GPR107: variants seen among roughly 807,000 people sequenced by gnomAD.
GPR107 encodes the protein G protein-coupled receptor 107.
Under a neutral mutation model 75.5 loss-of-function variants are expected in GPR107, and 31 were observed. That is an observed-to-expected ratio of 0.41 (90% CI 0.31 to 0.55). The LOEUF (loss-of-function observed/expected upper bound fraction) is 0.55, where lower values mean the gene tolerates loss of function less well. Ranked by LOEUF, GPR107 falls within the 20% of genes least tolerant of loss-of-function variation. The probability of loss-of-function intolerance (pLI) is 0.26; values close to 1 mark genes in which losing one functional copy is unlikely to be tolerated. For synonymous variants in GPR107, 267 were observed against 251.3 expected (o/e 1.06, Z -0.59); for missense variants, 572 against 665.7 (o/e 0.86, Z 1.55).
chr9:130,127,127 T>A (rs979395457), intron 15 of GPR107, among the ~76,000 whole-genome samples: 3 of 152,262 alleles, frequency 2.0e-5, no homozygotes, highest in African/African-American at 7.2e-5. Flanking sequence ...CTGGTAAATA[T>A]TCCTCAAAGC....
chr9:130,098,707 C>T (rs1257940093), intron 9 of GPR107, among the ~76,000 whole-genome samples: 5 of 152,072 alleles, frequency 3.3e-5, no homozygotes, highest in African/African-American at 7.2e-5. Flanking sequence ...ACCAGCAAAA[C>T]GTACTTTATA....
chr9:130,088,562 G>T (rs922004627), intron 7 of GPR107, among the ~76,000 whole-genome samples: 24 of 152,176 alleles, frequency 1.6e-4, no homozygotes, highest in African/African-American at 5.1e-4. Context: ...TTGGCCTTGG[G>T]CCTATATTTA....
chr9:130,077,786 C>T (rs371613303), intron 4 of GPR107, among the ~76,000 whole-genome samples: 2 of 152,174 alleles, frequency 1.3e-5, no homozygotes, highest in Non-Finnish European at 2.9e-5. Flanking sequence ...CCTGTGACTC[C>T]GGGCCTCAGT....
chr9:130,077,208 T>G, intron 3 of GPR107, 91 bp from the exon 4 acceptor site: 6 of 774,850 alleles, frequency 7.7e-6, no homozygotes, highest in Non-Finnish European at 1.4e-5. Flanking sequence ...GAATGGAGTT[T>G]GAGCCACGTA....
chr9:130,112,670 G>A lies in GPR107; in HGVS notation c.1306+5131G>A, dbSNP rs1218933336. On this transcript the variant is annotated intron_variant, in intron 14 of 17. Coordinates refer to ENST00000347136, the MANE Select transcript of GPR107 (RefSeq NM_020960.5). The surrounding 1 kb of genome is among the most constrained non-coding windows in gnomAD (Gnocchi z 4.0). ...GCTGGGCCTGAAGTGTGATGGGTGT[G>A]GCCTTGAGGGAAAGTACGTGTGCAC... 1.3e-5 allele frequency among the ~76,000 whole-genome samples: 2 copies of A among 152,192 alleles called. No individual in the cohort carries two copies. The highest frequency in any genetic ancestry group is 2.9e-5 in the Non-Finnish European group (2 of 68,036).
At chr9:130,084,111 A>G (rs952396465) in intron 6 of GPR107, among the ~76,000 whole-genome samples, 1 of 146,534 alleles carries the variant, frequency 6.8e-6, no homozygotes, top group Non-Finnish European at 1.5e-5. Context: ...TATCTCATCT[A>G]CAGGGGGCCA....
At position 130,103,640 on chromosome 9, in the gene GPR107, A is replaced by G. The variant is rs1044520355; in HGVS notation, c.1132-780A>G. Among the ~76,000 whole-genome samples, 4 of 152,212 alleles carry G rather than the reference A, an allele frequency of 2.6e-5. No homozygotes were observed. Among genetic ancestry groups the G allele is most frequent in the African/African-American group, 9.6e-5 (4 of 41,452 alleles). ...CTCACCCTCTGGTCTCTGAAAACAC[A>G]GTTCCATTGTCTGGCACTTAGATGA... On this transcript the variant is annotated intron_variant, in intron 12 of 17. Coordinates refer to ENST00000347136, the MANE Select transcript of GPR107 (RefSeq NM_020960.5). The surrounding 1 kb of genome is among the most constrained non-coding windows in gnomAD (Gnocchi z 4.3).
At chr9:130,126,257 T>G (rs1831680369) in intron 15 of GPR107, among the ~76,000 whole-genome samples, 1 of 151,732 alleles carries the variant, frequency 6.6e-6, no homozygotes, top group East Asian at 1.9e-4. Context: ...TAGAAATTAT[T>G]AGGATCATAA....
intron 5 of GPR107, among the ~76,000 whole-genome samples, chr9:130,080,134 G>A (rs1460900895): frequency 6.6e-6 from 1 of 152,142 alleles, no homozygotes; most frequent in East Asian, 1.9e-4. Context: ...AGCAGATACT[G>A]TAATTTGCTC....
intron 2 of GPR107, among the ~76,000 whole-genome samples, chr9:130,076,058 G>A (rs368890619): frequency 1.3e-5 from 2 of 152,180 alleles, no homozygotes; most frequent in Admixed American, 1.3e-4. Flanking sequence ...GGGATTACAG[G>A]TGTGAGCCAC....
chr9:130,130,393 C>G (rs1831792150), intron 17 of GPR107, among the ~76,000 whole-genome samples: 1 of 152,172 alleles, frequency 6.6e-6, no homozygotes, highest in East Asian at 1.9e-4. Context: ...AGGAGGTTTT[C>G]TCCCTGGGGT....
chr9:130,097,150 T>C (rs926656250), intron 9 of GPR107, among the ~76,000 whole-genome samples: 3 of 51,892 alleles, frequency 5.8e-5, no homozygotes, highest in Non-Finnish European at 9.2e-5. Context: ...ACTTTTCTTT[T>C]TTTTCTTTTT....
chr9:130,115,381 T>A (rs910607310), intron 14 of GPR107, among the ~76,000 whole-genome samples: 3 of 152,064 alleles, frequency 2.0e-5, no homozygotes, highest in Non-Finnish European at 4.4e-5. Context: ...TTTTTTCCGC[T>A]CATTTTTTTC....
In GPR107 at chr9:130,096,605, C is replaced by T. The variant is rs567493189; in HGVS notation, c.864-2852C>T. ...GCTTCAGCCTCCCGAGTAGCTGGGA[C>T]TACAGGCGCCTGCCACCATGCCCGG... On this transcript the variant is annotated intron_variant, in intron 9 of 17. Transcript: ENST00000347136. 1.2e-4 allele frequency among the ~76,000 whole-genome samples: 18 copies of T among 151,628 alleles called. No homozygotes were observed. In the South Asian group the frequency reaches 3.8e-3, roughly 32 times the overall value.
chr9:130,131,601 G>A (rs1299589463), intron 17 of GPR107, among the ~76,000 whole-genome samples: 3 of 150,854 alleles, frequency 2.0e-5, no homozygotes, highest in Admixed American at 2.0e-4. Flanking sequence ...AGGTCCCCCT[G>A]TCCTCCTGCT....
intron 1 of GPR107, among the ~76,000 whole-genome samples, chr9:130,059,304 A>G (rs1829871077): frequency 6.6e-6 from 1 of 152,150 alleles, no homozygotes; most frequent in Non-Finnish European, 1.5e-5. Flanking sequence ...CCTAGCCAAC[A>G]TGGTAAAACC....
At chr9:130,095,374 A>G (rs2132598265) in intron 9 of GPR107, among the ~76,000 whole-genome samples, 1 of 152,192 alleles carries the variant, frequency 6.6e-6, no homozygotes, top group African/African-American at 2.4e-5. Flanking sequence ...GTTCACTTGT[A>G]TCAAATTGTG....
chr9:130,131,479 T>C (rs7037838), intron 17 of GPR107, among the ~76,000 whole-genome samples: 150,570 of 152,140 alleles, frequency 0.99, 74,517 homozygotes, highest in East Asian at 1. Flanking sequence ...GACAACCTCC[T>C]GCGCTACCAC....
At chr9:130,074,989 G>C (rs1174029539) in intron 1 of GPR107, among the ~76,000 whole-genome samples, 1 of 150,792 alleles carries the variant, frequency 6.6e-6, no homozygotes, top group Non-Finnish European at 1.5e-5. Flanking sequence ...GGTTCCTCCT[G>C]CCCTGGAATT....
Sources: allele counts gnomAD v4.1 joint callset (sites outside exome capture counted in the v4.1 genomes callset), GRCh38; gene constraint gnomAD v4.1.1; non-coding constraint Gnocchi (gnomAD v3.1); transcripts MANE v1.5; gene names NCBI Gene and HGNC (gene_info 2026-07-23, HGNC 2026-07-21).